Variants in PLIN4 observed in about 807,000 individuals in gnomAD.
PLIN4 encodes the protein perilipin-4.
Under a neutral mutation model 52.4 loss-of-function variants are expected in PLIN4, and 57 were observed. The ratio of observed to expected loss-of-function variants is 1.09; its 90% CI spans 0.88 to 1.36. The LOEUF (loss-of-function observed/expected upper bound fraction) is 1.36. PLIN4 is among the 40% of genes most tolerant of loss of function. The pLI is 0.00. For synonymous variants in PLIN4, 826 were observed against 785.4 expected (o/e 1.05, Z -0.86); for missense variants, 1,757 against 1,770.3 (o/e 0.99, Z 0.13).
Position 4,517,579 on chromosome 19 carries a change from G to A in PLIN4, c.171C>T (p.Ala57=), listed in dbSNP as rs780366088. 19 of 1,610,162 alleles carry A rather than the reference G, an allele frequency of 1.2e-5. No individual in the cohort carries two copies. The highest frequency in any genetic ancestry group is 6.7e-5 in the East Asian group (3 of 44,850). ...PAADPTGAPA[A]EAAQPQAQVA... is the part of the protein sequence containing the mutation. ...CCTGAGCCTGTGGTTGGGCAGCCTC[G>A]GCAGCAGGCGCTCCTGTGGGGTCAG... The change falls in exon 3 of 8, where the codon GCC becomes GCT. Residue 57 remains alanine (A), a synonymous_variant. Coordinates refer to ENST00000301286, the MANE Select transcript of PLIN4 (RefSeq NM_001367868.2).
chr19:4,516,770 A>T, intron 3 of PLIN4, 92 bp from the exon 4 acceptor site: 1 of 1,268,864 alleles, frequency 7.9e-7, no homozygotes. Context: ...GCACAGCCTA[A>T]AAGGTCAGGA....
intron 6 of PLIN4, among the ~76,000 whole-genome samples, chr19:4,506,952 C>T (rs549988217): frequency 9.2e-5 from 14 of 152,326 alleles, no homozygotes; most frequent in Middle Eastern, 3.4e-3. Context: ...TTGCCCTTGG[C>T]ACTGTGGACA....
intron 6 of PLIN4, among the ~76,000 whole-genome samples, chr19:4,508,171 G>C (rs559197237): frequency 6.6e-6 from 1 of 152,190 alleles, no homozygotes; most frequent in Non-Finnish European, 1.5e-5. Context: ...TCTCCCCATC[G>C]GTCAGGACAG....
rs76565887 is a variant in PLIN4 at position 4,517,771 on chromosome 19, T to C, written c.52-73A>G. 3.6e-5 allele frequency: 55 copies of C among 1,514,044 alleles called. No homozygotes were observed. The Middle Eastern group carries it at 9.1e-4, about 25-fold the overall frequency. The allele number at this position is 1,514,044 out of a possible 1,614,324, so 93.8% of individuals were successfully genotyped here. On this transcript the variant is annotated intron_variant, in intron 2 of 7. Transcript: ENST00000301286. ...AGGAACGGGTCAGAGGAAGCATCGA[T>C]TGATCAGCCCAATGCCGCCCCGGCC...
At chr19:4,517,009 C>T (rs1420941196) in intron 3 of PLIN4, among the ~76,000 whole-genome samples, 1 of 152,172 alleles carries the variant, frequency 6.6e-6, no homozygotes, top group Non-Finnish European at 1.5e-5. Flanking sequence ...CCCGCCCCCA[C>T]CGCAGCTGCC....
chr19:4,510,106 G>A (rs996589718), intron 5 of PLIN4, among the ~76,000 whole-genome samples: 1 of 151,970 alleles, frequency 6.6e-6, no homozygotes, highest in Non-Finnish European at 1.5e-5. Context: ...GGTGGCTCAC[G>A]CCTGCAATCT....
rs1256468390 is a variant in PLIN4 at position 4,513,522 on chromosome 19, G to T, written c.438C>A (p.Ala146=). 6.2e-7 allele frequency: 1 copy of T among 1,610,438 alleles called. No individual in the cohort carries two copies. The highest frequency in any genetic ancestry group is 8.5e-7 in the Non-Finnish European group (1 of 1,178,224). ...KEVVSSGVTG[A]MDMAKGAVQG... ...GGACGGCCCCCTTAGCCATGTCCAT[G>T]GCCCCTGTGACCCCGCTGGACACCA... is the stretch of plus-strand genomic sequence containing the variant. The change falls in exon 5 of 8, where the codon GCC becomes GCA. Residue 146 remains alanine, a synonymous_variant. Transcript: ENST00000301286.
intron 4 of PLIN4, among the ~76,000 whole-genome samples, chr19:4,514,863 C>T (rs1224766930): frequency 2.0e-5 from 3 of 150,494 alleles, no homozygotes; most frequent in Admixed American, 6.6e-5. Flanking sequence ...GCCTGGGCAA[C>T]GGTGAGACCC....
At chr19:4,509,596 C>T (rs1030676524) in intron 5 of PLIN4, among the ~76,000 whole-genome samples, 1 of 151,952 alleles carries the variant, frequency 6.6e-6, no homozygotes, top group Non-Finnish European at 1.5e-5. Context: ...TGGACTCCAG[C>T]CTGGGCGACA....
In PLIN4 at chr19:4,502,219, T is replaced by C. The variant is rs534075426; in HGVS notation, c.*2240A>G. 7.6e-6 allele frequency: 5 copies of C among 660,574 alleles called. No homozygotes were observed. In the African/African-American group the frequency reaches 9.1e-5, roughly 12 times the overall value. 40.9% of individuals were successfully genotyped at this position (660,574 alleles called of 1,614,324 possible). ...TTTTAATGAAAAAAGAAATCACTTT[T>C]ATTGGCTTGGTTTTCTAGCATTGCT... On this transcript the variant is annotated 3_prime_UTR_variant, in exon 8 of 8. Coordinates refer to ENST00000301286, the MANE Select transcript of PLIN4 (RefSeq NM_001367868.2).
chr19:4,513,768 C>A, intron 4 of PLIN4, 67 bp from the exon 5 acceptor site: 1 of 1,491,192 alleles, frequency 6.7e-7, no homozygotes, highest in Non-Finnish European at 8.9e-7. Flanking sequence ...CGATGTCTGC[C>A]AGCCCAGCCC....
Position 4,504,747 on chromosome 19 carries a change from A to T in PLIN4, c.3828T>A (p.Leu1276=). ...DAGVLSRVCG[L]LRQLHTAYSG... ...TGTAGGCCGTGTGCAGCTGCCGGAG[A>T]AGGCCGCAGACCCTGGACAGAACCC... is the stretch of plus-strand genomic sequence containing the variant. The change falls in exon 8 of 8, where the codon CTT becomes CTA. Residue 1276 remains leucine, a synonymous_variant. Transcript: ENST00000301286. 1 of 1,600,222 alleles carries T rather than the reference A, an allele frequency of 6.2e-7. No individual in the cohort carries two copies. The highest frequency in any genetic ancestry group is 1.1e-5 in the South Asian group (1 of 90,542).
Position 4,511,862 on chromosome 19 carries a change from C to T in PLIN4, c.2098G>A (p.Val700Ile), listed in dbSNP as rs935386632. 3.1e-5 allele frequency: 50 copies of T among 1,609,826 alleles called. No individual in the cohort carries two copies. The highest frequency in any genetic ancestry group is 4.0e-5 in the Non-Finnish European group (47 of 1,176,538). Residue 700 changes from valine to isoleucine, a missense_variant, in exon 5 of 8, where the codon GTC becomes ATC. Coordinates refer to ENST00000301286, the MANE Select transcript of PLIN4 (RefSeq NM_001367868.2). The stretch of plus-strand genomic sequence containing the variant: ...ACTGCCCCCATGAGCCCAGTAGTGA[C>T]TGTGTCCTTGGTGCCGGTCAGCACG... ...KTVLTGTKDT[V>I]TTGLMGAVNV...
chr19:4,505,306 T>C (rs1976059728), intron 6 of PLIN4, among the ~76,000 whole-genome samples: 1 of 152,104 alleles, frequency 6.6e-6, no homozygotes. Flanking sequence ...ACCCCACTGC[T>C]GTCTCCACTG....
chr19:4,510,819 A>G lies in PLIN4; in HGVS notation c.3141T>C (p.Thr1047=), dbSNP rs749943764. 6.2e-7 allele frequency: 1 copy of G among 1,610,604 alleles called. No homozygotes were observed. The highest frequency in any genetic ancestry group is 1.7e-5 in the Admixed American group (1 of 59,896). Residue 1047 remains threonine, a synonymous_variant, in exon 5 of 8, where the codon ACT becomes ACC. Coordinates refer to ENST00000301286, the MANE Select transcript of PLIN4 (RefSeq NM_001367868.2). ...ACCAGTTCTGGAAGGTGCTGAGGCC[A>G]GTGTGGGTGGCCCCTGTCGCCACGT... ...SGNVATGATH[T]GLSTFQNWLP... is the part of the protein sequence containing the mutation.
In PLIN4 at chr19:4,504,963, A is replaced by G; in HGVS notation, c.3703-16T>C. The G allele has an allele frequency of 1.3e-6, 2 of 1,590,314 alleles. No homozygotes were observed. The highest frequency in any genetic ancestry group is 1.7e-6 in the Non-Finnish European group (2 of 1,169,852). On this transcript the variant is annotated splice_polypyrimidine_tract_variant and intron_variant, in intron 6 of 7. Coordinates refer to ENST00000301286, the MANE Select transcript of PLIN4 (RefSeq NM_001367868.2). Reference sequence around the variant, plus strand: ...CCTTTTCAATCTGGAGAGAGAGTACAGTGGGGAAATGATGGCTTCTTGGCA... The same window carrying G: ...CCTTTTCAATCTGGAGAGAGAGTACGGTGGGGAAATGATGGCTTCTTGGCA...
Position 4,503,188 on chromosome 19 carries a change from C to G in PLIN4, c.*1271G>C, listed in dbSNP as rs900280515. 2.0e-5 allele frequency: 3 copies of G among 152,356 alleles called. No homozygotes were observed. Among genetic ancestry groups the G allele is most frequent in the Non-Finnish European group, 4.4e-5 (3 of 68,142 alleles). 9.4% of individuals were successfully genotyped at this position (152,356 alleles called of 1,614,324 possible). ...CCCCTGGGGCCCCTCCACCCTTCCT[C>G]CCCCTGGGTCTGGGGTTCCTGGGCT... On this transcript the variant is annotated 3_prime_UTR_variant, in exon 8 of 8. Transcript: ENST00000301286.
In PLIN4 at chr19:4,510,704, C is replaced by T. The variant is rs770032093; in HGVS notation, c.3256G>A (p.Glu1086Lys). ...GTGGAGATGCCAGAGAACGGGGCCT[C>T]TTGGGGGCTCAGGGCAGTCTGCTCC... ...GGEQTALSPQ[E>K]APFSGISTPP... is the part of the protein sequence containing the mutation. The change falls in exon 5 of 8, where the codon GAG (glutamate) becomes AAG (lysine). Residue 1086 changes from glutamate (E) to lysine (K), a missense_variant. Coordinates refer to ENST00000301286, the MANE Select transcript of PLIN4 (RefSeq NM_001367868.2). 3 of 1,527,772 alleles carry T rather than the reference C, an allele frequency of 2.0e-6. No homozygotes were observed. The highest frequency in any genetic ancestry group is 1.3e-5 in the South Asian group (1 of 77,492). 94.6% of individuals were successfully genotyped at this position (1,527,772 alleles called of 1,614,324 possible). A position where few individuals can be genotyped will look rare whatever the true frequency, so the allele number is the denominator to read the frequency against.
intron 2 of PLIN4, 125 bp from the exon 3 acceptor site, chr19:4,517,823 G>A: frequency 7.8e-7 from 1 of 1,276,128 alleles, no homozygotes; most frequent in Non-Finnish European, 1.1e-6. Context: ...CCTCAGGAAA[G>A]TGTTTCAGCC....
Sources: allele counts gnomAD v4.1 joint callset (sites outside exome capture counted in the v4.1 genomes callset), GRCh38; gene constraint gnomAD v4.1.1; transcripts MANE v1.5; gene names NCBI Gene and HGNC (gene_info 2026-07-23, HGNC 2026-07-21).